The following CTNND1 variants were observed in gnomAD, a reference collection of about 807,000 sequenced individuals.
CTNND1 encodes the protein catenin delta 1, also known as catenin delta-1.
Under a neutral mutation model 112.1 loss-of-function variants are expected in CTNND1, and 16 were observed. That is an observed-to-expected ratio of 0.14 (90% CI 0.10 to 0.22). CTNND1 has a LOEUF of 0.22. Ranked by LOEUF, CTNND1 falls within the 10% of genes least tolerant of loss-of-function variation. The pLI, the probability that CTNND1 is intolerant of heterozygous loss-of-function variation, is 1.00. For synonymous variants in CTNND1, 420 were observed against 446.5 expected (o/e 0.94, Z 0.75); for missense variants, 1,008 against 1,257.0 (o/e 0.80, Z 3.00).
intron 1 of CTNND1, among the ~76,000 whole-genome samples, chr11:57,768,518 C>T (rs976405508): frequency 3.3e-5 from 5 of 150,318 alleles, no homozygotes; most frequent in African/African-American, 9.8e-5. Context: ...CTCAGCCTCC[C>T]GAGTAGCTGG....
At position 57,811,434 on chromosome 11, in the gene CTNND1, T is replaced by C. The variant is rs2063346981; in HGVS notation, c.2586T>C (p.Ser862=). Residue 862 remains serine (S), a synonymous_variant, in exon 17 of 21, where the codon AGT becomes AGC. Coordinates refer to ENST00000399050, the MANE Select transcript of CTNND1 (RefSeq NM_001085458.2). ...NLNNASRSQS[S]HSYDDSTLPL... is the part of the protein sequence containing the mutation. ...ACAATGCTTCCCGAAGCCAGAGCAG[T>C]CATTCATATGATGATAGTACTCTCC... The C allele has an allele frequency of 1.3e-5, 21 of 1,613,608 alleles. No homozygotes were observed. The highest frequency in any genetic ancestry group is 1.8e-5 in the Non-Finnish European group (21 of 1,179,768).
chr11:57,775,842 G>C (rs1954097407), intron 1 of CTNND1, among the ~76,000 whole-genome samples: 1 of 152,190 alleles, frequency 6.6e-6, no homozygotes, highest in Non-Finnish European at 1.5e-5. Flanking sequence ...GTAGATGGGT[G>C]CTGTGTGTGC....
In CTNND1 at chr11:57,810,240, G is replaced by C; in HGVS notation, c.2550+17G>C. The C allele has an allele frequency of 6.4e-7, 1 of 1,560,232 alleles. No homozygotes were observed. Among genetic ancestry groups the C allele is most frequent in the Non-Finnish European group, 8.7e-7 (1 of 1,149,834 alleles). On this transcript the variant is annotated intron_variant, in intron 16 of 20. Transcript: ENST00000399050. ...GACTTTCAGGTATAGTAACTTTTGA[G>C]ACCAAGACTTTTACTTTTTTTTTCT...
In CTNND1 at chr11:57,814,393, C is replaced by T. The variant is rs760645738; in HGVS notation, c.2701+20C>T. The T allele has an allele frequency of 3.2e-6, 5 of 1,585,126 alleles. No homozygotes were observed. Among genetic ancestry groups the T allele is most frequent in the East Asian group, 2.2e-5 (1 of 44,540 alleles). Reference sequence around the variant, plus strand: ...CACTAGGTAGGTGATTAATTCCTGCCTAAGGATGTGGAGTAATATTTCACT... The same window carrying T: ...CACTAGGTAGGTGATTAATTCCTGCTTAAGGATGTGGAGTAATATTTCACT... On this transcript the variant is annotated intron_variant, in intron 18 of 20. Transcript: ENST00000399050.
At chr11:57,807,697 C>T (rs2137360447) in intron 12 of CTNND1, among the ~76,000 whole-genome samples, 1 of 151,268 alleles carries the variant, frequency 6.6e-6, no homozygotes, top group South Asian at 2.1e-4. Context: ...TACAGTGAGT[C>T]CAAAGTTCAC....
intron 10 of CTNND1, 104 bp downstream of exon 10, chr11:57,806,139 C>A: frequency 7.1e-7 from 1 of 1,403,818 alleles, no homozygotes; most frequent in Non-Finnish European, 9.5e-7. Context: ...GGGAGTCTGC[C>A]TGGTTATGGA....
At chr11:57,774,241 G>A (rs1360006738) in intron 1 of CTNND1, among the ~76,000 whole-genome samples, 4 of 152,196 alleles carry the variant, frequency 2.6e-5, no homozygotes, top group Non-Finnish European at 4.4e-5. Flanking sequence ...GTCTTTAATG[G>A]TAGATTTAAG....
chr11:57,815,415 A>G lies in CTNND1; in HGVS notation c.2723A>G (p.Asn908Ser). 6.2e-7 allele frequency: 1 copy of G among 1,602,554 alleles called. No homozygotes were observed. Among genetic ancestry groups the G allele is most frequent in the Non-Finnish European group, 8.5e-7 (1 of 1,176,182 alleles). Reference sequence around the variant, plus strand: ...CCAGATAACAACTATTCCACACCAAATGAGAGAGGAGACCACAATAGAACA... The same window carrying G: ...CCAGATAACAACTATTCCACACCAAGTGAGAGAGGAGACCACAATAGAACA... ...KSLDNNYSTP[N>S]ERGDHNRTLD... The change falls in exon 19 of 21, where the codon AAT (asparagine) becomes AGT (serine). Residue 908 changes from asparagine to serine, a missense_variant. Coordinates refer to ENST00000399050, the MANE Select transcript of CTNND1 (RefSeq NM_001085458.2).
Position 57,794,084 on chromosome 11 carries a change from A to G in CTNND1, c.267+3A>G, listed in dbSNP as rs2061068289. The G allele has an allele frequency of 6.2e-7, 1 of 1,613,550 alleles. No individual in the cohort carries two copies. The highest frequency in any genetic ancestry group is 8.5e-7 in the Non-Finnish European group (1 of 1,179,572). On this transcript the variant is annotated splice_donor_region_variant and intron_variant, in intron 4 of 20. Coordinates refer to ENST00000399050, the MANE Select transcript of CTNND1 (RefSeq NM_001085458.2). ...ATTTGAAACTCAACGGACCCCAGGT[A>G]ATTCTTTGGCTCAAGACCTGGGTTG...
rs548036079 is a variant in CTNND1 at position 57,795,781 on chromosome 11, C to T, written c.420+52C>T. The T allele has an allele frequency of 3.4e-5, 51 of 1,491,758 alleles. 1 individual carries two copies. In the South Asian group the frequency reaches 5.9e-4, roughly 17 times the overall value. The allele number at this position is 1,491,758 out of a possible 1,614,324, so 92.4% of individuals were successfully genotyped here. A position where few individuals can be genotyped will look rare whatever the true frequency, so the allele number is the denominator to read the frequency against. On this transcript the variant is annotated intron_variant, in intron 5 of 20. Transcript: ENST00000399050. ...GAAGTGATAAGAGGTCTTTTCTTCT[C>T]TATTAGGGGAGGGGTTAAGCACTTA...
At position 57,790,406 on chromosome 11, in the gene CTNND1, C is replaced by T. The variant is rs1425297129; in HGVS notation, c.-94-979C>T. ...CTTTCTTTTTTTTTTTTTTTTGAGA[C>T]GGAGTCTTGCATTGTCGCCCCAGCT... On this transcript the variant is annotated intron_variant, in intron 2 of 20. Transcript: ENST00000399050. Among the ~76,000 whole-genome samples, 9 of 145,954 alleles carry T rather than the reference C, an allele frequency of 6.2e-5. No individual in the cohort carries two copies. The South Asian group carries it at 1.1e-3, about 17-fold the overall frequency.
chr11:57,800,231 A>C (rs1454679343), intron 6 of CTNND1, among the ~76,000 whole-genome samples: 2 of 151,488 alleles, frequency 1.3e-5, no homozygotes, highest in Non-Finnish European at 2.9e-5. Context: ...GGGCATTTTT[A>C]GTACCCCCTT....
At chr11:57,762,355 T>G (rs1950043852) in intron 1 of CTNND1, among the ~76,000 whole-genome samples, 1 of 152,120 alleles carries the variant, frequency 6.6e-6, no homozygotes, top group South Asian at 2.1e-4. Flanking sequence ...TTTGGTGTGT[T>G]CTTTGATTTT....
chr11:57,814,514 G>A, intron 18 of CTNND1, 141 bp downstream of exon 18: 1 of 624,584 alleles, frequency 1.6e-6, no homozygotes, highest in East Asian at 2.9e-5. Context: ...CCATTTTGAA[G>A]GATGTAAGGA....
rs1325992447 is a variant in CTNND1 at position 57,788,930 on chromosome 11, A to AT, written c.-213-105dup. The AT allele has an allele frequency of 8.4e-6, 7 of 835,630 alleles. No homozygotes were observed. The African/African-American group carries it at 1.2e-4, about 14-fold the overall frequency. 51.8% of individuals were successfully genotyped at this position (835,630 alleles called of 1,614,324 possible). A position where few individuals can be genotyped will look rare whatever the true frequency, so the allele number is the denominator to read the frequency against. ...TAAGCAATTCCAAGTCATATTTTAA[A>AT]TTACTTCCTTTCATTCCTAATATTG... On this transcript the variant is annotated intron_variant, in intron 1 of 20. Transcript: ENST00000399050. This position sits in a 1 kb window ranked among gnomAD's most constrained non-coding sequence, Gnocchi z 4.1.
At chr11:57,776,146 C>T (rs899359048) in intron 1 of CTNND1, among the ~76,000 whole-genome samples, 5 of 152,152 alleles carry the variant, frequency 3.3e-5, no homozygotes, top group Admixed American at 6.5e-5. Context: ...CCAGTTGGCA[C>T]TGTTACTGCT....
chr11:57,807,021 A>G, intron 12 of CTNND1, 38 bp downstream of exon 12: 2 of 1,481,364 alleles, frequency 1.4e-6, no homozygotes, highest in Non-Finnish European at 1.9e-6. Context: ...TCTCATAAAC[A>G]TAGTACAAAG....
intron 12 of CTNND1, 120 bp downstream of exon 12, chr11:57,807,103 A>T: frequency 1.2e-6 from 1 of 810,030 alleles, no homozygotes; most frequent in Non-Finnish European, 2.0e-6. Flanking sequence ...CAACTTACAG[A>T]TTTGAAATGA....
At chr11:57,790,552 GTTT>G (rs150149378) in intron 2 of CTNND1, among the ~76,000 whole-genome samples, 1,255 of 60,534 alleles carry the variant, frequency 0.021, 16 homozygotes, top group African/African-American at 0.09. Flanking sequence ...CTGTGTGTGT[GTTT>G]TTTTTTTTTT....
Sources: gnomAD v4.1 joint callset for allele counts (sites outside exome capture counted in the v4.1 genomes callset) on GRCh38, gnomAD v4.1.1 for gene constraint, Gnocchi (gnomAD v3.1) non-coding constraint, MANE v1.5 for transcripts, NCBI Gene and HGNC (gene_info 2026-07-23, HGNC 2026-07-21) for gene names.